ANKRD44: variants seen among roughly 807,000 people sequenced by gnomAD.
The protein encoded by ANKRD44 is serine/threonine-protein phosphatase 6 regulatory ankyrin repeat subunit B.
A neutral mutation model predicts 116.0 loss-of-function variants in ANKRD44; 35 were observed. That is an observed-to-expected ratio of 0.30 (90% CI 0.23 to 0.40). The LOEUF is 0.40. Among genes scored for constraint, ANKRD44 ranks in the 10% least tolerant of loss-of-function variants. ANKRD44 has a pLI of 1.00. For missense variants in ANKRD44, 1,014 were observed against 1,242.6 expected (o/e 0.82, Z 2.77); for synonymous variants, 435 against 461.8 (o/e 0.94, Z 0.74).
At chr2:197,240,169 G>C (rs1396664397) in intron 1 of ANKRD44, among the ~76,000 whole-genome samples, 2 of 152,052 alleles carry the variant, frequency 1.3e-5, no homozygotes, top group African/African-American at 2.4e-5. Flanking sequence ...GAGGTCAGGA[G>C]TTGGAGAGCA....
intron 20 of ANKRD44, among the ~76,000 whole-genome samples, chr2:197,006,674 G>T (rs529813209): frequency 6.6e-6 from 1 of 152,266 alleles, no homozygotes; most frequent in Admixed American, 6.5e-5. Context: ...GGAAGCAACT[G>T]AGAAATAAAA....
intron 1 of ANKRD44, among the ~76,000 whole-genome samples, chr2:197,218,221 T>A (rs73988411): frequency 0.025 from 3,756 of 152,284 alleles, 174 homozygotes; most frequent in African/African-American, 0.086. Flanking sequence ...ATAGAAGGAA[T>A]GAAAGATGTC....
intron 21 of ANKRD44, among the ~76,000 whole-genome samples, chr2:197,002,334 G>T (rs918121962): frequency 6.6e-6 from 1 of 152,170 alleles, no homozygotes; most frequent in African/African-American, 2.4e-5. Flanking sequence ...CTGCCCCCAA[G>T]AACAGTTCTT....
At chr2:197,117,414 AT>A (rs901807179) in intron 8 of ANKRD44, among the ~76,000 whole-genome samples, 1 of 151,924 alleles carries the variant, frequency 6.6e-6, no homozygotes, top group Non-Finnish European at 1.5e-5. Flanking sequence ...TAATTTTTGT[AT>A]TTTTAGTGGA....
intron 1 of ANKRD44, among the ~76,000 whole-genome samples, chr2:197,278,220 A>G (rs2083149541): frequency 6.6e-6 from 1 of 152,084 alleles, no homozygotes; most frequent in Non-Finnish European, 1.5e-5. Context: ...ACTGGCTGTT[A>G]AATTGCAAAG....
chr2:197,120,941 TG>T (rs201293611), intron 8 of ANKRD44, among the ~76,000 whole-genome samples: 10,185 of 144,526 alleles, frequency 0.07, 768 homozygotes, highest in African/African-American at 0.17. Flanking sequence ...TTTTTTTTTT[TG>T]TTTTTGAGAC....
chr2:197,290,156 T>C (rs183890651), intron 1 of ANKRD44, among the ~76,000 whole-genome samples: 1 of 152,318 alleles, frequency 6.6e-6, no homozygotes, highest in East Asian at 1.9e-4. Flanking sequence ...ATAAAATGAA[T>C]AGGTGGGGCA....
intron 4 of ANKRD44, 142 bp from the exon 5 acceptor site, chr2:197,126,179 T>G: frequency 1.4e-6 from 1 of 722,468 alleles, no homozygotes; most frequent in South Asian, 1.8e-5. Context: ...AGCCAGGTAA[T>G]ATTTGGTAAA....
chr2:197,126,587 C>T (rs2078979180), intron 4 of ANKRD44, among the ~76,000 whole-genome samples: 1 of 152,014 alleles, frequency 6.6e-6, no homozygotes, highest in Non-Finnish European at 1.5e-5. Flanking sequence ...GTTCCTTCAC[C>T]TTCATTGGGC....
intron 19 of ANKRD44, 41 bp from the exon 20 acceptor site, chr2:197,007,964 A>T (rs781460445): frequency 2.9e-5 from 40 of 1,390,480 alleles, no homozygotes; most frequent in African/African-American, 1.4e-5. Context: ...AAGGAGATTT[A>T]AAAAAATATT....
At chr2:197,143,545 G>T (rs1345926419) in intron 3 of ANKRD44, among the ~76,000 whole-genome samples, 1 of 151,696 alleles carries the variant, frequency 6.6e-6, no homozygotes, top group Non-Finnish European at 1.5e-5. Flanking sequence ...ATTTTTTATG[G>T]CTGCATAGTA....
intron 1 of ANKRD44, among the ~76,000 whole-genome samples, chr2:197,213,127 G>A (rs763270858): frequency 6.6e-6 from 1 of 152,100 alleles, no homozygotes; most frequent in Non-Finnish European, 1.5e-5. Flanking sequence ...GAGTAATTTT[G>A]ACTCTACAAG....
At chr2:197,055,895 G>A (rs1317087345) in intron 16 of ANKRD44, among the ~76,000 whole-genome samples, 1 of 151,920 alleles carries the variant, frequency 6.6e-6, no homozygotes, top group Non-Finnish European at 1.5e-5. Context: ...CATTACTATA[G>A]CTTTTTTGTT....
intron 17 of ANKRD44, among the ~76,000 whole-genome samples, chr2:197,023,484 T>C (rs1448432349): frequency 1.3e-5 from 2 of 152,126 alleles, no homozygotes; most frequent in East Asian, 1.9e-4. Context: ...CCACCTCTTT[T>C]AAATGATATC....
intron 8 of ANKRD44, among the ~76,000 whole-genome samples, chr2:197,112,997 AC>A (rs1186257781): frequency 1.6e-4 from 24 of 147,108 alleles, no homozygotes; most frequent in Admixed American, 6.8e-5. Flanking sequence ...AAAAAAAAAA[AC>A]ATGTATCATT....
At chr2:197,008,843 A>T (rs1322171221) in intron 19 of ANKRD44, 101 bp downstream of exon 19, 1 of 1,033,124 alleles carries the variant, frequency 9.7e-7, no homozygotes, top group East Asian at 2.4e-5. Flanking sequence ...TATTCCTCCA[A>T]TTTCTCGGTT....
intron 1 of ANKRD44, among the ~76,000 whole-genome samples, chr2:197,191,563 A>T (rs1349996285): frequency 6.6e-6 from 1 of 152,188 alleles, no homozygotes; most frequent in Non-Finnish European, 1.5e-5. Flanking sequence ...ACTTCCAAAA[A>T]TAAAATGCTA....
chr2:196,998,042 G>A (rs910915042), intron 25 of ANKRD44, among the ~76,000 whole-genome samples: 1 of 152,010 alleles, frequency 6.6e-6, no homozygotes, highest in Non-Finnish European at 1.5e-5. Context: ...CAACCAGAGA[G>A]ACAGATACGA....
chr2:197,081,734 C>T lies in ANKRD44; in HGVS notation c.1458-9G>A, dbSNP rs2077802241. 2 of 1,602,356 alleles carry T rather than the reference C, an allele frequency of 1.2e-6. No homozygotes were observed. Among genetic ancestry groups the T allele is most frequent in the African/African-American group, 1.3e-5 (1 of 74,202 alleles). On this transcript the variant is annotated splice_polypyrimidine_tract_variant and intron_variant, in intron 14 of 27. Transcript: ENST00000282272. ...TTCCTAAGATAGTCTTACTTCTCAG[C>T]ATAAAGGATAGAAAAAAAAATTGCA...
Sources: gnomAD v4.1 joint callset for allele counts (sites outside exome capture counted in the v4.1 genomes callset) on GRCh38, gnomAD v4.1.1 for gene constraint, MANE v1.5 for transcripts, NCBI Gene and HGNC (gene_info 2026-07-23, HGNC 2026-07-21) for gene names.